RBM33: variants seen among roughly 807,000 people sequenced by gnomAD.
RBM33 encodes the protein RNA binding motif protein 33, also known as RNA-binding protein 33.
Under a neutral mutation model 132.6 loss-of-function variants are expected in RBM33, and 28 were observed. The ratio of observed to expected loss-of-function variants is 0.21; its 90% confidence interval spans 0.16 to 0.29. The LOEUF (loss-of-function observed/expected upper bound fraction) is 0.29. Ranked by LOEUF, RBM33 falls within the 10% of genes least tolerant of loss-of-function variation. RBM33 has a pLI of 1.00. For synonymous variants in RBM33, 634 were observed against 593.0 expected (o/e 1.07, Z -1.01); for missense variants, 1,291 against 1,518.5 (o/e 0.85, Z 2.49).
At chr7:155,683,457 G>C (rs900661433) in intron 5 of RBM33, among the ~76,000 whole-genome samples, 6 of 152,144 alleles carry the variant, frequency 3.9e-5, no homozygotes, top group African/African-American at 1.4e-4. Context: ...TCTAAGACTT[G>C]AACTCTGAAA....
At position 155,745,198 on chromosome 7, in the gene RBM33, T is replaced by C; in HGVS notation, c.2575T>C (p.Leu859=). The change falls in exon 14 of 18, where the codon TTG becomes CTG. Residue 859 remains leucine, a synonymous_variant. Coordinates refer to ENST00000401878, the MANE Select transcript of RBM33 (RefSeq NM_053043.3). The surrounding 1 kb of genome is among the most constrained non-coding windows in gnomAD (Gnocchi z 4.1). ...SPSPTNGNPL[L]PFPGAQVRQN... ...ATCACCCACCAACGGTAACCCACTG[T>C]TGCCCTTTCCAGGTGCACAGGTCAG... The C allele has an allele frequency of 6.2e-7, 1 of 1,611,866 alleles. No individual in the cohort carries two copies. Among genetic ancestry groups the C allele is most frequent in the South Asian group, 1.1e-5 (1 of 90,544 alleles).
rs956386843 is a variant in RBM33 at position 155,690,836 on chromosome 7, C to T, written c.567+9928C>T. The stretch of plus-strand genomic sequence containing the variant: ...CTTGTAGAGTTTCTGCTGAGATATC[C>T]GCTGTTAGTCTGATGGACTTCCCTT... On this transcript the variant is annotated intron_variant, in intron 5 of 17. Transcript: ENST00000401878. Among the ~76,000 whole-genome samples, 15 of 152,242 alleles carry T rather than the reference C, an allele frequency of 9.9e-5. No individual in the cohort carries two copies. In the South Asian group the frequency reaches 1.5e-3, roughly 15 times the overall value.
intron 1 of RBM33, among the ~76,000 whole-genome samples, chr7:155,649,898 T>C (rs1342452903): frequency 6.6e-6 from 1 of 152,354 alleles, no homozygotes; most frequent in African/African-American, 2.4e-5. Context: ...CTTCTGCATA[T>C]GCGTAGCTCA....
intron 15 of RBM33, among the ~76,000 whole-genome samples, chr7:155,764,308 C>T (rs757950349): frequency 2.4e-4 from 36 of 150,518 alleles, no homozygotes; most frequent in African/African-American, 6.9e-4. Context: ...GCTGTGCTCT[C>T]GGGACAGCGC....
chr7:155,752,765 A>G (rs769799994), intron 14 of RBM33, among the ~76,000 whole-genome samples: 25 of 152,184 alleles, frequency 1.6e-4, no homozygotes, highest in Non-Finnish European at 1.8e-4. Flanking sequence ...TGGAGGTGCC[A>G]TGTTTCATGC....
At chr7:155,744,168 A>G (rs1281637670) in intron 13 of RBM33, among the ~76,000 whole-genome samples, 1 of 152,220 alleles carries the variant, frequency 6.6e-6, no homozygotes, top group Non-Finnish European at 1.5e-5. Flanking sequence ...TGAATTCTAG[A>G]TAGATTAAAT....
rs201127157 is a variant in RBM33 at position 155,773,568 on chromosome 7, C to CAAAAAAAAAAAA, written c.3376-975_3376-964dup. On this transcript the variant is annotated intron_variant, in intron 16 of 17. Coordinates refer to ENST00000401878, the MANE Select transcript of RBM33 (RefSeq NM_053043.3). ...AGGCAACAGTGCGAGACTCCATCTC[C>CAAAAAAAAAAAA]AAAAAAAAAAAAAAAAAAAAAAAAA... Among the ~76,000 whole-genome samples, 40 of 50,474 alleles carry CAAAAAAAAAAAA rather than the reference C, an allele frequency of 7.9e-4. 3 individuals carry two copies. Among genetic ancestry groups the CAAAAAAAAAAAA allele is most frequent in the African/African-American group, 3.3e-3 (40 of 11,984 alleles). 33.1% of individuals were successfully genotyped at this position (50,474 alleles called of 152,430 possible). A position where few individuals can be genotyped will look rare whatever the true frequency, so the allele number is the denominator to read the frequency against.
At chr7:155,735,782 A>G (rs985616024) in intron 9 of RBM33, among the ~76,000 whole-genome samples, 1 of 152,028 alleles carries the variant, frequency 6.6e-6, no homozygotes, top group East Asian at 1.9e-4. Flanking sequence ...GCATTATATC[A>G]GTGAATTTTC....
At chr7:155,695,918 A>G (rs6978180) in intron 5 of RBM33, among the ~76,000 whole-genome samples, 4,406 of 152,160 alleles carry the variant, frequency 0.029, 212 homozygotes, top group African/African-American at 0.1. Context: ...ATTATGATCT[A>G]TCTCAATATG....
chr7:155,727,842 T>C (rs1800836699), intron 9 of RBM33, among the ~76,000 whole-genome samples: 1 of 152,210 alleles, frequency 6.6e-6, no homozygotes, highest in Non-Finnish European at 1.5e-5. Flanking sequence ...CGCAGCTCGC[T>C]GCAGGCCCGG....
At chr7:155,736,746 T>G (rs1801138482) in intron 9 of RBM33, among the ~76,000 whole-genome samples, 1 of 152,248 alleles carries the variant, frequency 6.6e-6, no homozygotes, top group Non-Finnish European at 1.5e-5. Context: ...TAGCTGCAGC[T>G]TACAGTCCTG....
chr7:155,730,438 G>A (rs1250471378), intron 9 of RBM33, among the ~76,000 whole-genome samples: 3 of 152,186 alleles, frequency 2.0e-5, no homozygotes, highest in Non-Finnish European at 2.9e-5. Context: ...AAATGATAAC[G>A]ACATGTATGG....
chr7:155,704,370 C>G (rs1395026683), intron 6 of RBM33, among the ~76,000 whole-genome samples: 1 of 152,134 alleles, frequency 6.6e-6, no homozygotes, highest in East Asian at 1.9e-4. Flanking sequence ...GAACTACATA[C>G]CTAGGAAATA....
At position 155,696,512 on chromosome 7, in the gene RBM33, T is replaced by C. The variant is rs144953418; in HGVS notation, c.568-4261T>C. On this transcript the variant is annotated intron_variant, in intron 5 of 17. Coordinates refer to ENST00000401878, the MANE Select transcript of RBM33 (RefSeq NM_053043.3). Reference sequence around the variant, plus strand: ...CTGATGTTAGGGGGAAAATGTTTATTTCATCATTAAGTATGCTAGCTGTAC... The same window carrying C: ...CTGATGTTAGGGGGAAAATGTTTATCTCATCATTAAGTATGCTAGCTGTAC... 4.1e-3 allele frequency among the ~76,000 whole-genome samples: 632 copies of C among 152,332 alleles called. 8 individuals carry two copies. Among genetic ancestry groups the C allele is most frequent in the African/African-American group, 0.014 (599 of 41,570 alleles).
chr7:155,646,345 A>G (rs1798192777), intron 1 of RBM33, among the ~76,000 whole-genome samples: 1 of 152,212 alleles, frequency 6.6e-6, no homozygotes, highest in African/African-American at 2.4e-5. Flanking sequence ...TTGGGTCTTC[A>G]ATAATTTTGA....
intron 9 of RBM33, among the ~76,000 whole-genome samples, chr7:155,727,970 G>A (rs769624218): frequency 1.3e-5 from 2 of 151,888 alleles, no homozygotes; most frequent in African/African-American, 2.4e-5. Context: ...GGGTTTCATC[G>A]TGTTGCCTAG....
At chr7:155,664,813 A>G (rs1798756260) in intron 1 of RBM33, among the ~76,000 whole-genome samples, 1 of 152,212 alleles carries the variant, frequency 6.6e-6, no homozygotes, top group African/African-American at 2.4e-5. Flanking sequence ...AAAAAGTATT[A>G]TGAAAGTCTC....
intron 2 of RBM33, among the ~76,000 whole-genome samples, chr7:155,668,287 T>C (rs1440621045): frequency 2.0e-5 from 3 of 152,228 alleles, no homozygotes; most frequent in African/African-American, 4.8e-5. Flanking sequence ...TTGATGGGTA[T>C]GTCTTTCAAG....
chr7:155,773,568 CAAA>C (rs201127157), intron 16 of RBM33, among the ~76,000 whole-genome samples: 1,121 of 50,328 alleles, frequency 0.022, 10 homozygotes, highest in African/African-American at 0.088. Context: ...ACTCCATCTC[CAAA>C]AAAAAAAAAA....
Sources: allele counts gnomAD v4.1 joint callset (sites outside exome capture counted in the v4.1 genomes callset), GRCh38; gene constraint gnomAD v4.1.1; non-coding constraint Gnocchi (gnomAD v3.1); transcripts MANE v1.5; gene names NCBI Gene and HGNC (gene_info 2026-07-23, HGNC 2026-07-21).